USH2A: variants seen among roughly 807,000 people sequenced by gnomAD.
USH2A encodes the protein usherin, also known as Usher syndrome 2A (autosomal recessive, mild).
USH2A carries 443 observed loss-of-function variants against 538.9 expected under a neutral mutation model. That is an observed-to-expected ratio of 0.82 (90% CI 0.76 to 0.89). The LOEUF is 0.89. Ranked by LOEUF, USH2A falls within the 40% of genes least tolerant of loss-of-function variation. The pLI is 0.00. For synonymous variants in USH2A, 2,413 were observed against 2,273.5 expected (o/e 1.06, Z -1.75); for missense variants, 6,633 against 6,324.8 (o/e 1.05, Z -1.65).
rs945922313 is a variant in USH2A, at chr1:215,787,959, G to A, written c.10183-1085C>T. The stretch of plus-strand genomic sequence containing the variant: ...CTTGGCAGGTTGAGGGAGGAGAATC[G>A]CTTGAACCTAGCAGGTAGAGGTTGC... On this transcript the variant is annotated intron_variant, in intron 51 of 71. Transcript: ENST00000307340. 2.0e-5 allele frequency among the ~76,000 whole-genome samples: 3 copies of A among 151,998 alleles called. No individual in the cohort carries two copies. The East Asian group carries it at 5.8e-4, about 29-fold the overall frequency.
intron 32 of USH2A, among the ~76,000 whole-genome samples, chr1:216,036,491 G>A (rs1197994167): frequency 6.6e-6 from 1 of 151,986 alleles, no homozygotes; most frequent in Non-Finnish European, 1.5e-5. Flanking sequence ...TAACGAATTA[G>A]ACTCAAATAT....
intron 22 of USH2A, among the ~76,000 whole-genome samples, chr1:216,090,040 T>G (rs904197905): frequency 6.6e-6 from 1 of 151,952 alleles, no homozygotes; most frequent in Non-Finnish European, 1.5e-5. Flanking sequence ...AACTTCTAAA[T>G]GGGAATGAAT....
chr1:215,770,475 A>G (rs1388251755), intron 55 of USH2A, among the ~76,000 whole-genome samples: 2 of 152,190 alleles, frequency 1.3e-5, no homozygotes, highest in African/African-American at 4.8e-5. Context: ...AATTAAGAAA[A>G]AAAATACCCA....
intron 37 of USH2A, among the ~76,000 whole-genome samples, chr1:215,951,454 G>A (rs2102441092): frequency 6.6e-6 from 1 of 152,306 alleles, no homozygotes; most frequent in Admixed American, 6.5e-5. Context: ...TACATTTGCT[G>A]AGGAGTACTT....
At chr1:216,151,802 C>T (rs1420799496) in intron 21 of USH2A, among the ~76,000 whole-genome samples, 2 of 152,142 alleles carry the variant, frequency 1.3e-5, no homozygotes, top group Non-Finnish European at 2.9e-5. Flanking sequence ...CAAAAACTTG[C>T]CAACCAAGCA....
At chr1:215,783,045 C>A in intron 52 of USH2A, 110 bp from the exon 53 acceptor site, 1 of 939,752 alleles carries the variant, frequency 1.1e-6, no homozygotes, top group Non-Finnish European at 1.6e-6. Flanking sequence ...ATGTTTAATG[C>A]TCTAAACGCT....
intron 3 of USH2A, among the ~76,000 whole-genome samples, chr1:216,389,443 T>C (rs2039062369): frequency 6.6e-6 from 1 of 152,144 alleles, no homozygotes; most frequent in African/African-American, 2.4e-5. Context: ...ATTCTCCACA[T>C]TTAACTGCTT....
intron 9 of USH2A, among the ~76,000 whole-genome samples, chr1:216,317,912 T>G (rs1424102465): frequency 1.3e-5 from 2 of 152,088 alleles, no homozygotes; most frequent in African/African-American, 2.4e-5. Flanking sequence ...GTGAAAACTC[T>G]TGCAGAAAAT....
chr1:215,724,729 T>C (rs1049834111), intron 61 of USH2A, among the ~76,000 whole-genome samples: 2 of 151,940 alleles, frequency 1.3e-5, no homozygotes, highest in Non-Finnish European at 2.9e-5. Context: ...AACGAATCAC[T>C]CATTCTTCCT....
At chr1:215,874,244 T>C (rs1411662486) in intron 43 of USH2A, among the ~76,000 whole-genome samples, 1 of 152,172 alleles carries the variant, frequency 6.6e-6, no homozygotes, top group African/African-American at 2.4e-5. Flanking sequence ...AACCATAACT[T>C]GCTCACTTTG....
At chr1:215,685,494 A>G (rs890888365) in intron 61 of USH2A, among the ~76,000 whole-genome samples, 1 of 151,814 alleles carries the variant, frequency 6.6e-6, no homozygotes, top group Non-Finnish European at 1.5e-5. Flanking sequence ...AGTAGCTGGG[A>G]TTACAGGCAC....
At chr1:216,120,529 G>C (rs932151391) in intron 21 of USH2A, among the ~76,000 whole-genome samples, 2 of 150,486 alleles carry the variant, frequency 1.3e-5, no homozygotes. Flanking sequence ...ACAGGCTCCC[G>C]CCACAGCGCC....
intron 22 of USH2A, among the ~76,000 whole-genome samples, chr1:216,095,823 G>T (rs1250710703): frequency 2.0e-5 from 3 of 152,092 alleles, no homozygotes; most frequent in Non-Finnish European, 4.4e-5. Context: ...GGATCTCCAG[G>T]GTTCATGAGG....
chr1:216,322,430 C>G (rs978825473), intron 8 of USH2A, among the ~76,000 whole-genome samples: 1 of 151,264 alleles, frequency 6.6e-6, no homozygotes, highest in Non-Finnish European at 1.5e-5. Flanking sequence ...TGGCAAAACC[C>G]CATCTCTACA....
chr1:216,066,730 A>G (rs1019512439), intron 30 of USH2A, among the ~76,000 whole-genome samples: 3 of 152,178 alleles, frequency 2.0e-5, no homozygotes, highest in Admixed American at 6.5e-5. Flanking sequence ...GATTTGTCCA[A>G]GCTACACAGC....
At chr1:215,758,549 T>A (rs1660880334) in intron 58 of USH2A, 46 bp downstream of exon 58, 1 of 1,588,154 alleles carries the variant, frequency 6.3e-7, no homozygotes, top group African/African-American at 1.3e-5. Flanking sequence ...ATTAATTCCT[T>A]TAAAATGTTT....
intron 21 of USH2A, among the ~76,000 whole-genome samples, chr1:216,134,633 C>T (rs1188130813): frequency 6.6e-6 from 1 of 152,054 alleles, no homozygotes; most frequent in African/African-American, 2.4e-5. Context: ...AGAAATTGTC[C>T]ACCCAGTGGA....
intron 43 of USH2A, among the ~76,000 whole-genome samples, chr1:215,876,856 T>C (rs1664786511): frequency 6.6e-6 from 1 of 152,032 alleles, no homozygotes; most frequent in Non-Finnish European, 1.5e-5. Flanking sequence ...GCAATACAAA[T>C]GTGGCTGGAA....
At chr1:216,309,060 G>A (rs1410101945) in intron 9 of USH2A, among the ~76,000 whole-genome samples, 1 of 152,184 alleles carries the variant, frequency 6.6e-6, no homozygotes, top group Non-Finnish European at 1.5e-5. Flanking sequence ...AAATAGCTGT[G>A]TATAATGTCC....
Sources: gnomAD v4.1 joint callset for allele counts (sites outside exome capture counted in the v4.1 genomes callset) on GRCh38, gnomAD v4.1.1 for gene constraint, MANE v1.5 for transcripts, NCBI Gene and HGNC (gene_info 2026-07-23, HGNC 2026-07-21) for gene names.